The following NELL1 variants were observed in gnomAD, a reference collection of about 807,000 sequenced individuals.
NELL1 encodes neural EGFL like 1.
Under a neutral mutation model 107.4 loss-of-function variants are expected in NELL1, and 76 were observed. The observed-to-expected ratio is 0.71, with a 90% CI of 0.59 to 0.86. NELL1 has a LOEUF of 0.86. Ranked by LOEUF, NELL1 falls within the 40% of genes least tolerant of loss-of-function variation. The pLI is 0.00. For synonymous variants in NELL1, 353 were observed against 341.2 expected (o/e 1.03, Z -0.38); for missense variants, 1,024 against 1,005.5 (o/e 1.02, Z -0.25).
chr11:21,284,137 C>A, intron 14 of NELL1: 1 of 422,818 alleles, frequency 2.4e-6, no homozygotes, highest in Non-Finnish European at 4.8e-6. Context: ...TGAAGAGTAG[C>A]GTTAAAACTG....
In NELL1 at chr11:21,117,353, C is replaced by A. The variant is rs529821894; in HGVS notation, c.1426+3639C>A. Among the ~76,000 whole-genome samples the A allele has an allele frequency of 2.6e-5, 4 of 152,068 alleles. No homozygotes were observed. The South Asian group carries it at 6.2e-4, about 24-fold the overall frequency. ...GAATGTAAACTCTTGAGAGCAGGGG[C>A]CTTTTTCCTTTTGTTCTCTACTATA... On this transcript the variant is annotated intron_variant, in intron 13 of 19. Coordinates refer to ENST00000357134, the MANE Select transcript of NELL1 (RefSeq NM_006157.5).
intron 15 of NELL1, among the ~76,000 whole-genome samples, chr11:21,505,525 A>G (rs1855257675): frequency 6.6e-6 from 1 of 152,120 alleles, no homozygotes; most frequent in African/African-American, 2.4e-5. Flanking sequence ...CTACTCCTCC[A>G]TAAGCCCTGT....
intron 3 of NELL1, among the ~76,000 whole-genome samples, chr11:20,806,423 T>C (rs1857386714): frequency 6.6e-6 from 1 of 152,158 alleles, no homozygotes; most frequent in Non-Finnish European, 1.5e-5. Context: ...TGGAGCTCCA[T>C]TGTATGTTTG....
intron 2 of NELL1, among the ~76,000 whole-genome samples, chr11:20,708,798 C>T (rs984868518): frequency 2.6e-5 from 4 of 152,098 alleles, no homozygotes; most frequent in Non-Finnish European, 4.4e-5. Flanking sequence ...CATGTCTAAG[C>T]GAATGTCTGG....
At chr11:20,800,964 A>C (rs949436012) in intron 3 of NELL1, among the ~76,000 whole-genome samples, 1 of 152,190 alleles carries the variant, frequency 6.6e-6, no homozygotes, top group African/African-American at 2.4e-5. Flanking sequence ...AAAAACAAAC[A>C]AACCATGAGT....
chr11:21,411,981 G>A (rs1002983380), intron 15 of NELL1, among the ~76,000 whole-genome samples: 2 of 151,994 alleles, frequency 1.3e-5, no homozygotes, highest in Admixed American at 6.6e-5. Context: ...ATAATACATG[G>A]TATCCTAGAC....
At chr11:20,754,938 C>T (rs1417220616) in intron 2 of NELL1, among the ~76,000 whole-genome samples, 3 of 152,116 alleles carry the variant, frequency 2.0e-5, no homozygotes, top group Non-Finnish European at 2.9e-5. Context: ...GTCCATATAG[C>T]TCTGCTGACA....
chr11:21,164,146 T>G (rs1035922562), intron 13 of NELL1, among the ~76,000 whole-genome samples: 1 of 152,196 alleles, frequency 6.6e-6, no homozygotes, highest in Non-Finnish European at 1.5e-5. Flanking sequence ...TAAGTTTCTG[T>G]TGTTTAAGTC....
intron 15 of NELL1, among the ~76,000 whole-genome samples, chr11:21,428,172 A>G (rs1852877919): frequency 6.6e-6 from 1 of 152,170 alleles, no homozygotes; most frequent in Admixed American, 6.5e-5. Flanking sequence ...CTTATTTAAG[A>G]GGGAAGGAAG....
At chr11:21,552,240 A>T (rs537764200) in intron 16 of NELL1, among the ~76,000 whole-genome samples, 6 of 151,794 alleles carry the variant, frequency 4.0e-5, no homozygotes, top group East Asian at 2.0e-4. Context: ...ATACATATGT[A>T]ACTAACCTGC....
intron 2 of NELL1, among the ~76,000 whole-genome samples, chr11:20,718,495 AT>A (rs1363794766): frequency 6.6e-6 from 1 of 151,792 alleles, no homozygotes; most frequent in African/African-American, 2.4e-5. Context: ...AGATTAAAAT[AT>A]TTTTTCTTTC....
intron 7 of NELL1, among the ~76,000 whole-genome samples, chr11:20,926,861 T>C (rs1463725557): frequency 6.6e-6 from 1 of 152,182 alleles, no homozygotes. Context: ...AGTGACTTCC[T>C]AGTTTGTAAA....
intron 3 of NELL1, among the ~76,000 whole-genome samples, chr11:20,828,769 G>A (rs1330068920): frequency 6.6e-6 from 1 of 152,102 alleles, no homozygotes; most frequent in South Asian, 2.1e-4. Flanking sequence ...CTTTCTATCT[G>A]TTCTTAAGTT....
At chr11:20,844,822 C>T (rs1444286897) in intron 3 of NELL1, among the ~76,000 whole-genome samples, 1 of 152,218 alleles carries the variant, frequency 6.6e-6, no homozygotes, top group Non-Finnish European at 1.5e-5. Context: ...TCCCAATAAT[C>T]TGAATTTCCA....
intron 4 of NELL1, among the ~76,000 whole-genome samples, chr11:20,853,685 CT>C (rs1227283351): frequency 6.6e-6 from 1 of 152,142 alleles, no homozygotes; most frequent in Non-Finnish European, 1.5e-5. Flanking sequence ...ATTTTTACCT[CT>C]GTAAAAATAG....
intron 2 of NELL1, among the ~76,000 whole-genome samples, chr11:20,717,422 T>C (rs1855278728): frequency 6.6e-6 from 1 of 152,126 alleles, no homozygotes; most frequent in Non-Finnish European, 1.5e-5. Context: ...GCTTGCCTTT[T>C]GCCTGGAAGA....
At chr11:20,976,176 A>G (rs1383238847) in intron 12 of NELL1, among the ~76,000 whole-genome samples, 7 of 147,310 alleles carry the variant, frequency 4.8e-5, no homozygotes, top group Non-Finnish European at 7.4e-5. Flanking sequence ...ATATCTGTAC[A>G]TATATATGTT....
chr11:21,233,640 T>C (rs1301897482), intron 14 of NELL1, among the ~76,000 whole-genome samples: 1 of 152,234 alleles, frequency 6.6e-6, no homozygotes, highest in Non-Finnish European at 1.5e-5. Flanking sequence ...CATTTGAGTT[T>C]AAATGGACAA....
chr11:21,466,757 G>C, intron 15 of NELL1, among the ~76,000 whole-genome samples: 1 of 151,976 alleles, frequency 6.6e-6, no homozygotes, highest in East Asian at 1.9e-4. Flanking sequence ...CCCACTAGGA[G>C]AAGTTTTGGA....
Sources: allele counts gnomAD v4.1 joint callset (sites outside exome capture counted in the v4.1 genomes callset), GRCh38; gene constraint gnomAD v4.1.1; transcripts MANE v1.5; gene names NCBI Gene and HGNC (gene_info 2026-07-23, HGNC 2026-07-21).